The following LRMDA variants were observed in gnomAD, a reference collection of about 807,000 sequenced individuals.
The protein encoded by LRMDA is leucine-rich melanocyte differentiation-associated protein.
A neutral mutation model predicts 29.8 loss-of-function variants in LRMDA; 18 were observed. The ratio of observed to expected loss-of-function variants is 0.60; its 90% confidence interval spans 0.42 to 0.90. The LOEUF (loss-of-function observed/expected upper bound fraction) is 0.90, where lower values mean the gene tolerates loss of function less well. Ranked by LOEUF, LRMDA falls within the 40% of genes least tolerant of loss-of-function variation. The probability of loss-of-function intolerance (pLI) is 0.00; values close to 1 mark genes in which losing one functional copy is unlikely to be tolerated. For synonymous variants in LRMDA, 125 were observed against 109.4 expected (o/e 1.14, Z -0.89); for missense variants, 273 against 273.9 (o/e 1.00, Z 0.02).
chr10:75,903,439 C>T (rs1176079724), intron 2 of LRMDA, among the ~76,000 whole-genome samples: 1 of 152,194 alleles, frequency 6.6e-6, no homozygotes, highest in Admixed American at 6.5e-5. Context: ...CCTAGCTCCT[C>T]TGAAAGAAAG....
intron 2 of LRMDA, among the ~76,000 whole-genome samples, chr10:76,016,384 A>G (rs893471540): frequency 6.7e-6 from 1 of 150,328 alleles, no homozygotes; most frequent in Admixed American, 6.6e-5. Context: ...TTATTTTGGT[A>G]GGTGGTTTTG....
At chr10:76,155,654 C>T (rs548120753) in intron 5 of LRMDA, among the ~76,000 whole-genome samples, 1 of 152,278 alleles carries the variant, frequency 6.6e-6, no homozygotes, top group South Asian at 2.1e-4. Flanking sequence ...CAACATCCAT[C>T]TAGTAACTAG....
intron 2 of LRMDA, among the ~76,000 whole-genome samples, chr10:76,012,714 A>C (rs952636693): frequency 2.3e-4 from 35 of 152,090 alleles, no homozygotes; most frequent in Admixed American, 5.2e-4. Context: ...ACTGAGTTAA[A>C]CTCCTCATCA....
intron 2 of LRMDA, among the ~76,000 whole-genome samples, chr10:75,935,927 A>C (rs552614718): frequency 3.9e-5 from 6 of 152,148 alleles, no homozygotes; most frequent in Non-Finnish European, 7.4e-5. Context: ...GTGATGCTTG[A>C]CGGGGCACAT....
At chr10:75,476,341 G>A (rs1378216596) in intron 2 of LRMDA, among the ~76,000 whole-genome samples, 1 of 152,186 alleles carries the variant, frequency 6.6e-6, no homozygotes, top group Non-Finnish European at 1.5e-5. Flanking sequence ...AGGACGTGAG[G>A]CAGGGGTGGA....
chr10:75,948,974 TC>T (rs1462571723), intron 2 of LRMDA, among the ~76,000 whole-genome samples: 2 of 152,020 alleles, frequency 1.3e-5, no homozygotes, highest in African/African-American at 4.8e-5. Context: ...ACCCTGCTTT[TC>T]CCTGCATACA....
intron 5 of LRMDA, among the ~76,000 whole-genome samples, chr10:76,061,106 G>T (rs1477207974): frequency 6.6e-6 from 1 of 152,072 alleles, no homozygotes; most frequent in Non-Finnish European, 1.5e-5. Flanking sequence ...CAATAGCAAA[G>T]ACATGGAATC....
rs1023328193 is a variant in LRMDA, at chr10:75,715,464, C to T, written c.131+276970C>T. ...TCTTAACTGCCTTTTTTTTTAAATA[C>T]ATATATATGTGACATTTTTGAAAAC... On this transcript the variant is annotated intron_variant, in intron 2 of 6. Coordinates refer to ENST00000611255, the MANE Select transcript of LRMDA (RefSeq NM_001305581.2). Among the ~76,000 whole-genome samples, 76 of 151,996 alleles carry T rather than the reference C, an allele frequency of 5.0e-4. 1 individual carries two copies. Among genetic ancestry groups the T allele is most frequent in the Middle Eastern group, 3.4e-3 (1 of 294 alleles).
intron 2 of LRMDA, among the ~76,000 whole-genome samples, chr10:75,625,131 T>C (rs1841235116): frequency 6.6e-6 from 1 of 152,198 alleles, no homozygotes; most frequent in Admixed American, 6.5e-5. Flanking sequence ...GTGGGACTGC[T>C]GCTGAGTTGG....
At chr10:76,322,284 A>G (rs2579779) in intron 5 of LRMDA, among the ~76,000 whole-genome samples, 46,392 of 152,162 alleles carry the variant, frequency 0.3, 9,094 homozygotes, top group Non-Finnish European at 0.44. Context: ...TGAAAGGATC[A>G]CAAGGGCTTC....
At chr10:75,676,563 G>A (rs972730516) in intron 2 of LRMDA, among the ~76,000 whole-genome samples, 5 of 152,096 alleles carry the variant, frequency 3.3e-5, no homozygotes, top group South Asian at 2.1e-4. Flanking sequence ...CAAAGGCAAC[G>A]TTTCTTTTGG....
Position 76,139,878 on chromosome 10 carries a change from C to T in LRMDA, c.516+81095C>T, listed in dbSNP as rs562498721. ...ACCATATCAGGCCCTGAAGAGGAGA[C>T]AGTGGCTTTTAAATCTCTCTGTGGA... On this transcript the variant is annotated intron_variant, in intron 5 of 6. Coordinates refer to ENST00000611255, the MANE Select transcript of LRMDA (RefSeq NM_001305581.2). Among the ~76,000 whole-genome samples, 3 of 152,176 alleles carry T rather than the reference C, an allele frequency of 2.0e-5. No individual in the cohort carries two copies. The South Asian group carries it at 6.3e-4, about 32-fold the overall frequency.
chr10:76,271,742 G>T (rs565844491), intron 5 of LRMDA, among the ~76,000 whole-genome samples: 3 of 152,276 alleles, frequency 2.0e-5, no homozygotes, highest in African/African-American at 7.2e-5. Context: ...ATAAGAAGCT[G>T]CTTTTACCCC....
At chr10:75,472,159 C>T (rs1212008384) in intron 2 of LRMDA, among the ~76,000 whole-genome samples, 1 of 152,182 alleles carries the variant, frequency 6.6e-6, no homozygotes, top group Non-Finnish European at 1.5e-5. Flanking sequence ...TAAATCAGCT[C>T]AACATCTATA....
intron 2 of LRMDA, among the ~76,000 whole-genome samples, chr10:75,482,951 C>T (rs574167725): frequency 3.5e-4 from 51 of 145,566 alleles, no homozygotes; most frequent in African/African-American, 1.3e-3. Context: ...TCCTTTCCTT[C>T]TTTTTTTTTT....
chr10:76,290,220 C>G (rs1409754331), intron 5 of LRMDA, among the ~76,000 whole-genome samples: 1 of 152,066 alleles, frequency 6.6e-6, no homozygotes, highest in Non-Finnish European at 1.5e-5. Context: ...GGTGAGTCAG[C>G]TGGTTTAAAG....
At chr10:75,654,315 C>T (rs1253745226) in intron 2 of LRMDA, among the ~76,000 whole-genome samples, 1 of 152,132 alleles carries the variant, frequency 6.6e-6, no homozygotes, top group Non-Finnish European at 1.5e-5. Context: ...ACAAGGTTGT[C>T]TTAGAGGGTG....
At chr10:76,458,861 T>C (rs1354104283) in intron 6 of LRMDA, among the ~76,000 whole-genome samples, 1 of 152,012 alleles carries the variant, frequency 6.6e-6, no homozygotes, top group Non-Finnish European at 1.5e-5. Flanking sequence ...CGGCATTTGA[T>C]GCACAGATAC....
At chr10:76,475,101 CAGTTACCA>C (rs1564551731) in intron 6 of LRMDA, among the ~76,000 whole-genome samples, 1 of 151,572 alleles carries the variant, frequency 6.6e-6, no homozygotes, top group African/African-American at 2.4e-5. Flanking sequence ...TAAAAAAACC[CAGTTACCA>C]ATGAACATAT....
Sources: gnomAD v4.1 joint callset for allele counts (sites outside exome capture counted in the v4.1 genomes callset) on GRCh38, gnomAD v4.1.1 for gene constraint, MANE v1.5 for transcripts, NCBI Gene and HGNC (gene_info 2026-07-23, HGNC 2026-07-21) for gene names.